PON3: variants seen among roughly 807,000 people sequenced by gnomAD.
The protein encoded by PON3 is serum paraoxonase/lactonase 3.
A neutral mutation model predicts 36.3 loss-of-function variants in PON3; 37 were observed. The ratio of observed to expected loss-of-function variants is 1.02; its 90% CI spans 0.78 to 1.34. The LOEUF (loss-of-function observed/expected upper bound fraction) is 1.34, where lower values mean the gene tolerates loss of function less well. PON3 is among the 40% of genes most tolerant of loss of function. PON3 has a pLI of 0.00. For synonymous variants in PON3, 155 were observed against 154.8 expected, an observed-to-expected ratio of 1.00 and a Z score of -0.01; for missense variants, 415 against 426.5, an observed-to-expected ratio of 0.97 and a Z score of 0.24.
chr7:95,381,211 A>G (rs1345953132), intron 3 of PON3, among the ~76,000 whole-genome samples: 1 of 152,194 alleles, frequency 6.6e-6, no homozygotes, highest in Non-Finnish European at 1.5e-5. Context: ...AGCACTAAAC[A>G]TGGAAAGGAA....
At chr7:95,376,767 T>C (rs1808921355) in intron 3 of PON3, among the ~76,000 whole-genome samples, 1 of 152,164 alleles carries the variant, frequency 6.6e-6, no homozygotes, top group African/African-American at 2.4e-5. Context: ...AAATTTAAAC[T>C]GAAAGGAAGC....
At chr7:95,373,502 TC>T (rs1219828799) in intron 3 of PON3, among the ~76,000 whole-genome samples, 3 of 152,130 alleles carry the variant, frequency 2.0e-5, no homozygotes, top group Non-Finnish European at 4.4e-5. Flanking sequence ...CTCTTTATTC[TC>T]CTTAAGTCAG....
intron 4 of PON3, among the ~76,000 whole-genome samples, chr7:95,368,685 C>T (rs1808747470): frequency 6.6e-6 from 1 of 151,650 alleles, no homozygotes; most frequent in Non-Finnish European, 1.5e-5. Flanking sequence ...GAATTAAATA[C>T]ATAATTAAGG....
chr7:95,373,598 C>A (rs1808854956), intron 3 of PON3, among the ~76,000 whole-genome samples: 1 of 152,184 alleles, frequency 6.6e-6, no homozygotes, highest in Non-Finnish European at 1.5e-5. Flanking sequence ...TAGCTACACC[C>A]TTTGCTTCCT....
intron 3 of PON3, among the ~76,000 whole-genome samples, chr7:95,381,463 A>C (rs992243902): frequency 1.4e-4 from 21 of 152,284 alleles, no homozygotes; most frequent in African/African-American, 2.6e-4. Flanking sequence ...AACCCATCTC[A>C]TGTGCAGAGA....
intron 3 of PON3, among the ~76,000 whole-genome samples, chr7:95,381,406 G>A: frequency 6.6e-6 from 1 of 152,026 alleles, no homozygotes; most frequent in Non-Finnish European, 1.5e-5. Context: ...ACACAGACTG[G>A]CAAATTGGAT....
Position 95,359,995 on chromosome 7 carries a change from T to C in PON3, c.1043A>G (p.Lys348Arg). ...AGTCTAGAGCTCACAGTACAGAGTT[T>C]TGTGAAATACGGTGCCTATGAGAAT... ...GKILIGTVFHKTLYCEL is the reference protein window; with the variant it reads ...GKILIGTVFHRTLYCEL Residue 348 changes from lysine to arginine, a missense_variant, in exon 9 of 9, where the codon AAA (lysine) becomes AGA (arginine). Transcript: ENST00000265627. The C allele has an allele frequency of 6.2e-7, 1 of 1,613,648 alleles. No homozygotes were observed. Among genetic ancestry groups the C allele is most frequent in the Admixed American group, 1.7e-5 (1 of 59,988 alleles).
intron 3 of PON3, among the ~76,000 whole-genome samples, chr7:95,387,819 A>G (rs901064924): frequency 1.1e-4 from 17 of 152,206 alleles, no homozygotes; most frequent in African/African-American, 4.1e-4. Flanking sequence ...AAGCCTCAGA[A>G]ATAACACCAC....
At chr7:95,375,426 C>G (rs1808895954) in intron 3 of PON3, among the ~76,000 whole-genome samples, 1 of 151,536 alleles carries the variant, frequency 6.6e-6, no homozygotes, top group South Asian at 2.1e-4. Context: ...TATCTCACAT[C>G]TTCCCTTTCA....
intron 6 of PON3, 125 bp from the exon 7 acceptor site, chr7:95,362,966 C>T: frequency 2.8e-6 from 2 of 716,754 alleles, no homozygotes; most frequent in African/African-American, 1.7e-5. Context: ...TTTTCTAAAC[C>T]ACAGTAAAAG....
intron 3 of PON3, among the ~76,000 whole-genome samples, chr7:95,381,263 G>C (rs1274264820): frequency 9.9e-5 from 15 of 152,178 alleles, no homozygotes; most frequent in Non-Finnish European, 2.1e-4. Context: ...AAATTGTAAA[G>C]ACCATCGAGG....
Position 95,390,110 on chromosome 7 carries a change from A to G in PON3, c.201+44T>C, listed in dbSNP as rs759665678. ...AGGACAACATTAATGCACTGTCTAT[A>G]CAGCTATTGATGTGAGCATGAGAGC... is the stretch of plus-strand genomic sequence containing the variant. On this transcript the variant is annotated intron_variant, in intron 3 of 8. Coordinates refer to ENST00000265627, the MANE Select transcript of PON3 (RefSeq NM_000940.3). The G allele has an allele frequency of 3.3e-6, 5 of 1,534,760 alleles. No homozygotes were observed. In the South Asian group the frequency reaches 4.5e-5, roughly 14 times the overall value.
At position 95,362,752 on chromosome 7, in the gene PON3, A is replaced by G. The variant is rs138667127; in HGVS notation, c.777+8T>C. ...TCAGATTGTGTGGGCCAGACAGGGT[A>G]CTCTTACCTTCAGTTGAGTTAAATC... On this transcript the variant is annotated splice_region_variant and intron_variant, in intron 7 of 8. Transcript: ENST00000265627. 1,907 of 1,593,934 alleles carry G rather than the reference A, an allele frequency of 1.2e-3. 18 individuals carry two copies. The African/African-American group carries it at 0.022, about 18-fold the overall frequency.
rs1399941298 is a variant in PON3, at chr7:95,394,630, T to G, written c.145+14A>C. ...AAGCTGTGCTGGCTCCTCTTGGTAC[T>G]GTCACATACATACCAAGTTCCTCAA... On this transcript the variant is annotated intron_variant, in intron 2 of 8. Transcript: ENST00000265627. 3 of 1,610,444 alleles carry G rather than the reference T, an allele frequency of 1.9e-6. No homozygotes were observed. Among genetic ancestry groups the G allele is most frequent in the Non-Finnish European group, 2.5e-6 (3 of 1,176,638 alleles).
chr7:95,382,111 A>G (rs1477509734), intron 3 of PON3, among the ~76,000 whole-genome samples: 3 of 152,228 alleles, frequency 2.0e-5, no homozygotes, highest in Non-Finnish European at 4.4e-5. Context: ...TACTGGGTAC[A>G]TAATGAAATG....
At chr7:95,377,542 G>A in intron 3 of PON3, 2 of 426,756 alleles carry the variant, frequency 4.7e-6, no homozygotes, top group East Asian at 9.0e-5. Flanking sequence ...CCTCATACAG[G>A]CGGATGCCCC....
At chr7:95,384,185 C>A (rs558679919) in intron 3 of PON3, among the ~76,000 whole-genome samples, 2 of 152,268 alleles carry the variant, frequency 1.3e-5, no homozygotes, top group South Asian at 4.1e-4. Flanking sequence ...CTTCCTCACA[C>A]CTTATACAAA....
chr7:95,374,967 G>A (rs1808882616), intron 3 of PON3, among the ~76,000 whole-genome samples: 2 of 151,922 alleles, frequency 1.3e-5, no homozygotes, highest in South Asian at 2.1e-4. Flanking sequence ...TTTCAAGTCT[G>A]CACATTTATT....
chr7:95,390,431 AC>A, intron 2 of PON3, among the ~76,000 whole-genome samples: 1 of 152,320 alleles, frequency 6.6e-6, no homozygotes, highest in Non-Finnish European at 1.5e-5. Flanking sequence ...CTTTTTTAGA[AC>A]CCCATTTTCA....
Sources: allele counts gnomAD v4.1 joint callset (sites outside exome capture counted in the v4.1 genomes callset), GRCh38; gene constraint gnomAD v4.1.1; transcripts MANE v1.5; gene names NCBI Gene and HGNC (gene_info 2026-07-23, HGNC 2026-07-21).